Variants in ITGA10 observed in about 807,000 individuals in gnomAD.
The protein encoded by ITGA10 is integrin alpha-10.
Under a neutral mutation model 145.2 loss-of-function variants are expected in ITGA10, and 105 were observed. The ratio of observed to expected loss-of-function variants is 0.72; its 90% CI spans 0.62 to 0.85. ITGA10 has a LOEUF of 0.85. Ranked by LOEUF, ITGA10 falls within the 40% of genes least tolerant of loss-of-function variation. The pLI is 0.00. For synonymous variants in ITGA10, 506 were observed against 557.8 expected (o/e 0.91, Z 1.31); for missense variants, 1,317 against 1,444.5 (o/e 0.91, Z 1.43).
At chr1:145,907,515 G>A in intron 1 of ITGA10, 50 bp from the exon 2 acceptor site, 1 of 1,610,114 alleles carries the variant, frequency 6.2e-7, no homozygotes. Context: ...ATGGCTAGAG[G>A]CACAGCCCGA....
rs587750890 is a variant in ITGA10, at chr1:145,908,603, A to C, written c.53-1138T>G. Among the ~76,000 whole-genome samples, 4 of 152,300 alleles carry C rather than the reference A, an allele frequency of 2.6e-5. No homozygotes were observed. In the East Asian group the frequency reaches 7.7e-4, roughly 29 times the overall value. On this transcript the variant is annotated intron_variant, in intron 1 of 29. Coordinates refer to ENST00000369304, the MANE Select transcript of ITGA10 (RefSeq NM_003637.5). Reference sequence around the variant, plus strand: ...GAAACAATGATTACAGGGCACTGCCAAGGAAAAATTCCAGGCCTCTTGTCC... The same window carrying C: ...GAAACAATGATTACAGGGCACTGCCCAGGAAAAATTCCAGGCCTCTTGTCC...
chr1:145,897,727 G>T, intron 19 of ITGA10, 74 bp from the exon 20 acceptor site: 1 of 1,611,894 alleles, frequency 6.2e-7, no homozygotes, highest in East Asian at 2.2e-5. Context: ...TTGTTATCAT[G>T]GGTAAGAAAC....
chr1:145,902,902 ACCACCAGTAG>A lies in ITGA10; in HGVS notation c.808_817del (p.Leu271SerfsTer16). The A allele has an allele frequency of 6.2e-7, 1 of 1,613,890 alleles. No individual in the cohort carries two copies. Among genetic ancestry groups the A allele is most frequent in the Non-Finnish European group, 8.5e-7 (1 of 1,179,910 alleles). ...ATCATGGGACTCTCCATCAGTGACA[ACCACCAGTAG>A]CCTGGCAGCCTCGGGTCGGCCCCCA... On this transcript the variant is annotated frameshift_variant, in exon 8 of 30. Transcript: ENST00000369304. LOFTEE classifies it high-confidence loss of function.
At position 145,907,420 on chromosome 1, in the gene ITGA10, A is replaced by T; in HGVS notation, c.98T>A (p.Phe33Tyr). ...AAATTCAGCTTCTGGTGGCCCTGGG[A>T]ATAGGCGTGGGTGATGTTCATCCAG... Reference protein sequence around the residue: ...FNLDEHHPRLFPGPPEAEFGY... With the variant: ...FNLDEHHPRLYPGPPEAEFGY... The change falls in exon 2 of 30, where the codon TTC becomes TAC. Residue 33 changes from phenylalanine to tyrosine, a missense_variant. Coordinates refer to ENST00000369304, the MANE Select transcript of ITGA10 (RefSeq NM_003637.5). 2 of 1,614,100 alleles carry T rather than the reference A, an allele frequency of 1.2e-6. No homozygotes were observed. The highest frequency in any genetic ancestry group is 1.1e-5 in the South Asian group (1 of 91,082).
rs1274005727 is a variant in ITGA10, at chr1:145,901,384, C to A, written c.1444-106G>T. On this transcript the variant is annotated intron_variant, in intron 12 of 29. Coordinates refer to ENST00000369304, the MANE Select transcript of ITGA10 (RefSeq NM_003637.5). This position sits in a 1 kb window ranked among gnomAD's most constrained non-coding sequence, Gnocchi z 4.3. ...CAGCCTGCTAGTCTGCTCCTTACATCCCTGACAGACTCTGCCAACCAGAAT... is the reference window on the plus strand; with the variant it reads ...CAGCCTGCTAGTCTGCTCCTTACATACCTGACAGACTCTGCCAACCAGAAT... The A allele has an allele frequency of 6.7e-7, 1 of 1,498,516 alleles. No homozygotes were observed. Among genetic ancestry groups the A allele is most frequent in the Non-Finnish European group, 9.0e-7 (1 of 1,105,694 alleles). 92.8% of individuals were successfully genotyped at this position (1,498,516 alleles called of 1,614,324 possible). A position where few individuals can be genotyped will look rare whatever the true frequency, so the allele number is the denominator to read the frequency against.
Position 145,893,244 on chromosome 1 carries a change from TAGGCCGGGTCTGAACCA to T in ITGA10, c.3338_3354del (p.Val1113AspfsTer35). 6.2e-7 allele frequency: 1 copy of T among 1,614,086 alleles called. No individual in the cohort carries two copies. Among genetic ancestry groups the T allele is most frequent in the Non-Finnish European group, 8.5e-7 (1 of 1,179,974 alleles). The stretch of plus-strand genomic sequence containing the variant: ...ATGAGGATCCACAGGGAGATGAGGA[TAGGCCGGGTCTGAACCA>T]CCTCCAAGAGGCTCTGCGTGGACAG... On this transcript the variant is annotated frameshift_variant, in exon 29 of 30. Transcript: ENST00000369304. LOFTEE classifies it high-confidence loss of function.
Position 145,899,285 on chromosome 1 carries a change from C to A in ITGA10, c.1979G>T (p.Ser660Ile). 1 of 1,614,228 alleles carries A rather than the reference C, an allele frequency of 6.2e-7. No individual in the cohort carries two copies. Among genetic ancestry groups the A allele is most frequent in the South Asian group, 1.1e-5 (1 of 91,090 alleles). The change falls in exon 16 of 30, where the codon AGT becomes ATT. Residue 660 changes from serine (S) to isoleucine (I), a missense_variant. Coordinates refer to ENST00000369304, the MANE Select transcript of ITGA10 (RefSeq NM_003637.5). ...CCGCCTACAGTCCCTCTGAACCACACTGATGGCCTGTGGGGTCACCTCCAG... is the reference window on the plus strand; with the variant it reads ...CCGCCTACAGTCCCTCTGAACCACAATGATGGCCTGTGGGGTCACCTCCAG... ...PSLEVTPQAISVVQRDCRRRG... is the reference protein window; with the variant it reads ...PSLEVTPQAIIVVQRDCRRRG...
rs36073645 is a variant in ITGA10, at chr1:145,899,262, G to A, written c.2002C>T (p.Arg668Trp). The change falls in exon 16 of 30, where the codon CGG becomes TGG. Residue 668 changes from arginine (R) to tryptophan (W), a missense_variant. Coordinates refer to ENST00000369304, the MANE Select transcript of ITGA10 (RefSeq NM_003637.5). ...AISVVQRDCR[R>W]RGQEAVCLTA... The stretch of plus-strand genomic sequence containing the variant: ...AGACAGACTGCCTCTTGGCCTCGCC[G>A]CCTACAGTCCCTCTGAACCACACTG... The A allele has an allele frequency of 5.1e-3, 8,282 of 1,614,158 alleles. 396 individuals carry two copies. In the African/African-American group the frequency reaches 0.098, roughly 19 times the overall value.
chr1:145,904,883 A>G lies in ITGA10; in HGVS notation c.482-72T>C, dbSNP rs1027826269. ...AACAAGGGAAAGAGGTCACAGGAGG[A>G]CACATTCAATTTAGACATTTATAAG... On this transcript the variant is annotated intron_variant, in intron 5 of 29. Coordinates refer to ENST00000369304, the MANE Select transcript of ITGA10 (RefSeq NM_003637.5). 16 of 1,518,640 alleles carry G rather than the reference A, an allele frequency of 1.1e-5. No individual in the cohort carries two copies. The African/African-American group carries it at 1.9e-4, about 18-fold the overall frequency. The allele number at this position is 1,518,640 out of a possible 1,614,324, so 94.1% of individuals were successfully genotyped here. A position where few individuals can be genotyped will look rare whatever the true frequency, so the allele number is the denominator to read the frequency against.
At chr1:145,909,779 A>T (rs1657653138) in intron 1 of ITGA10, among the ~76,000 whole-genome samples, 184 bp downstream of exon 1, 1 of 150,340 alleles carries the variant, frequency 6.7e-6, no homozygotes, top group Admixed American at 6.7e-5. Context: ...CAGTCTCAAT[A>T]TTCAAACAGT....
Position 145,896,103 on chromosome 1 carries a change from G to A in ITGA10, c.2920-7C>T, listed in dbSNP as rs1451227119. ...AGCAGCCTAGGTTCTGAACCTAAGAGGAAGGTTGGGAATAGGAAGAAGTGG... is the reference window on the plus strand; with the variant it reads ...AGCAGCCTAGGTTCTGAACCTAAGAAGAAGGTTGGGAATAGGAAGAAGTGG... On this transcript the variant is annotated splice_polypyrimidine_tract_variant and splice_region_variant and intron_variant, in intron 24 of 29. Transcript: ENST00000369304. The A allele has an allele frequency of 9.3e-6, 15 of 1,610,046 alleles. No individual in the cohort carries two copies. Among genetic ancestry groups the A allele is most frequent in the Non-Finnish European group, 1.3e-5 (15 of 1,176,392 alleles).
chr1:145,900,014 C>G, intron 15 of ITGA10, 43 bp downstream of exon 15: 1 of 1,561,802 alleles, frequency 6.4e-7, no homozygotes, highest in South Asian at 1.2e-5. Context: ...CCTTTAACAG[C>G]TATGCTATGC....
intron 23 of ITGA10, 77 bp from the exon 24 acceptor site, chr1:145,896,429 C>G (rs587650974): frequency 8.8e-7 from 1 of 1,141,268 alleles, no homozygotes; most frequent in Non-Finnish European, 1.3e-6. Context: ...AGCACACAGA[C>G]GTGGATTCAG....
At position 145,904,199 on chromosome 1, in the gene ITGA10, A is replaced by C. The variant is rs782512539; in HGVS notation, c.611T>G (p.Val204Gly). The C allele has an allele frequency of 1.9e-6, 3 of 1,614,122 alleles. No individual in the cohort carries two copies. Among genetic ancestry groups the C allele is most frequent in the Non-Finnish European group, 2.5e-6 (3 of 1,179,988 alleles). Residue 204 changes from valine to glycine, a missense_variant and splice_region_variant, in exon 7 of 30, where the codon GTG becomes GGG. By Grantham distance (109) the Val-to-Gly change is moderately radical. Transcript: ENST00000369304. ...GCTCTCCCCATACTGTACCAGTCCC[A>C]CCTGGGAATAAAGCGCATTCAAATG... is the stretch of plus-strand genomic sequence containing the variant. The part of the protein sequence containing the change: ...KLFIDPEQIQ[V>G]GLVQYGESPV...
Position 145,901,080 on chromosome 1 carries a change from C to A in ITGA10, c.1587+55G>T, listed in dbSNP as rs970064142. 29 of 1,612,794 alleles carry A rather than the reference C, an allele frequency of 1.8e-5. No individual in the cohort carries two copies. Among genetic ancestry groups the A allele is most frequent in the African/African-American group, 2.7e-5 (2 of 74,854 alleles). On this transcript the variant is annotated intron_variant, in intron 13 of 29. Coordinates refer to ENST00000369304, the MANE Select transcript of ITGA10 (RefSeq NM_003637.5). This position sits in a 1 kb window ranked among gnomAD's most constrained non-coding sequence, Gnocchi z 4.3. ...CAAATATGTGCACCTTCCCTCCTTTCCTCCCTCCACCCCCACAATGCAAGT... is the reference window on the plus strand; with the variant it reads ...CAAATATGTGCACCTTCCCTCCTTTACTCCCTCCACCCCCACAATGCAAGT...
At chr1:145,903,052 C>T (rs28682949) in intron 7 of ITGA10, 91 bp from the exon 8 acceptor site, 8 of 936,592 alleles carry the variant, frequency 8.5e-6, no homozygotes, top group Admixed American at 5.4e-5. Flanking sequence ...CACACACACA[C>T]ACACACACAC....
At chr1:145,903,068 G>C (rs1229168916) in intron 7 of ITGA10, 107 bp from the exon 8 acceptor site, 14 of 855,670 alleles carry the variant, frequency 1.6e-5, no homozygotes, top group South Asian at 2.2e-5. Context: ...CACACACACA[G>C]GATTTAACAT....
Position 145,897,252 on chromosome 1 carries a change from C to T in ITGA10, c.2662G>A (p.Ala888Thr), listed in dbSNP as rs1235092136. The change falls in exon 21 of 30, where the codon GCC (alanine) becomes ACC (threonine). Residue 888 changes from alanine to threonine, a missense_variant. Physicochemically the swap from Ala to Thr is moderately conservative, Grantham distance 58. Transcript: ENST00000369304. ...CATCCTAGACCCCAACCCACCTTGG[C>T]TCCAGTCTGGAAGACAGGATGCCCC... ...SVGHPVFQTG[A>T]KVTFLLEFEF... 1.9e-6 allele frequency: 3 copies of T among 1,613,906 alleles called. No homozygotes were observed. The highest frequency in any genetic ancestry group is 2.7e-5 in the African/African-American group (2 of 74,902).
Position 145,900,145 on chromosome 1 carries a change from C to T in ITGA10, c.1834G>A (p.Gly612Ser), listed in dbSNP as rs1656051437. The T allele has an allele frequency of 6.2e-7, 1 of 1,614,130 alleles. No homozygotes were observed. The highest frequency in any genetic ancestry group is 8.5e-7 in the Non-Finnish European group (1 of 1,179,998). Residue 612 changes from glycine (G) to serine (S), a missense_variant, in exon 15 of 30, where the codon GGC (glycine) becomes AGC (serine). Physicochemically the swap from Gly to Ser is moderately conservative, Grantham distance 56. Coordinates refer to ENST00000369304, the MANE Select transcript of ITGA10 (RefSeq NM_003637.5). ...TCTAGCCGACCATCCACACTTCGGC[C>T]AAAGTAGCTGAGGGCATGTGGCATG... is the stretch of plus-strand genomic sequence containing the variant. Reference protein sequence around the residue: ...ASMPHALSYFGRSVDGRLDLD... With the variant: ...ASMPHALSYFSRSVDGRLDLD...
Sources: allele counts gnomAD v4.1 joint callset (sites outside exome capture counted in the v4.1 genomes callset), GRCh38; gene constraint gnomAD v4.1.1; non-coding constraint Gnocchi (gnomAD v3.1); transcripts MANE v1.5; gene names NCBI Gene and HGNC (gene_info 2026-07-23, HGNC 2026-07-21).